PDZRN4: variants seen among roughly 807,000 people sequenced by gnomAD.
PDZRN4 encodes the protein PDZ domain containing ring finger 4.
A neutral mutation model predicts 99.0 loss-of-function variants in PDZRN4; 70 were observed. The observed-to-expected ratio is 0.71, with a 90% CI of 0.58 to 0.86. The LOEUF (loss-of-function observed/expected upper bound fraction) is 0.86, where lower values mean the gene tolerates loss of function less well. Among genes scored for constraint, PDZRN4 ranks in the 40% least tolerant of loss-of-function variants. PDZRN4 has a pLI of 0.00. For synonymous variants in PDZRN4, 551 were observed against 501.6 expected (o/e 1.10, Z -1.32); for missense variants, 1,474 against 1,331.2 (o/e 1.11, Z -1.67).
At chr12:41,502,666 T>C (rs1482429045) in intron 3 of PDZRN4, among the ~76,000 whole-genome samples, 3 of 152,106 alleles carry the variant, frequency 2.0e-5, no homozygotes, top group African/African-American at 7.2e-5. Flanking sequence ...GGGACTCCTT[T>C]AATGGATAGT....
chr12:41,573,280 A>G lies in PDZRN4; in HGVS notation c.2501A>G (p.His834Arg), dbSNP rs1939517147. The change falls in exon 10 of 10, where the codon CAC (histidine) becomes CGC (arginine). Residue 834 changes from histidine (H) to arginine (R), a missense_variant. By Grantham distance (29) the His-to-Arg change is conservative (BLOSUM62 0). Transcript: ENST00000402685. ...SEHIPYLSPY[H>R]SSSYRYANIP... ...CACATCCCTTACCTCTCTCCTTACCACAGCTCCTCATATAGATATGCAAAC... is the reference window on the plus strand; with the variant it reads ...CACATCCCTTACCTCTCTCCTTACCGCAGCTCCTCATATAGATATGCAAAC... 5 of 1,613,762 alleles carry G rather than the reference A, an allele frequency of 3.1e-6. No individual in the cohort carries two copies. Among genetic ancestry groups the G allele is most frequent in the Non-Finnish European group, 4.2e-6 (5 of 1,180,016 alleles).
At position 41,188,333 on chromosome 12, in the gene PDZRN4, C is replaced by T. The variant is rs1049917118; in HGVS notation, c.-123C>T. 2.3e-6 allele frequency: 2 copies of T among 876,088 alleles called. No homozygotes were observed. Among genetic ancestry groups the T allele is most frequent in the Non-Finnish European group, 1.7e-6 (1 of 596,368 alleles). The allele number at this position is 876,088 out of a possible 1,614,324, so 54.3% of individuals were successfully genotyped here. A position where few individuals can be genotyped will look rare whatever the true frequency, so the allele number is the denominator to read the frequency against. ...ACAAACAGTGAGATCACACCTCCCA[C>T]CCGCCACCTCCCTCCACTGCCGCCG... On this transcript the variant is annotated 5_prime_UTR_variant, in exon 1 of 10. Coordinates refer to ENST00000402685, the MANE Select transcript of PDZRN4 (RefSeq NM_001164595.2).
At chr12:41,353,297 C>T (rs1475518198) in intron 3 of PDZRN4, among the ~76,000 whole-genome samples, 3 of 152,142 alleles carry the variant, frequency 2.0e-5, no homozygotes, top group East Asian at 1.9e-4. Context: ...CTTTCTCTCT[C>T]TCTTTTTATT....
At chr12:41,450,350 T>G (rs997560021) in intron 3 of PDZRN4, among the ~76,000 whole-genome samples, 2 of 152,188 alleles carry the variant, frequency 1.3e-5, no homozygotes, top group African/African-American at 4.8e-5. Flanking sequence ...CATATAACCT[T>G]AGATAGACAA....
intron 3 of PDZRN4, among the ~76,000 whole-genome samples, chr12:41,305,462 T>G (rs1243163426): frequency 6.6e-6 from 1 of 152,196 alleles, no homozygotes; most frequent in Non-Finnish European, 1.5e-5. Flanking sequence ...CTGATGTGTA[T>G]TTCTCACAAT....
chr12:41,208,874 TA>T (rs1337067150), intron 3 of PDZRN4, among the ~76,000 whole-genome samples: 1 of 151,856 alleles, frequency 6.6e-6, no homozygotes, highest in Non-Finnish European at 1.5e-5. Flanking sequence ...AAAATATTGT[TA>T]GGGGAAAAAA....
intron 3 of PDZRN4, among the ~76,000 whole-genome samples, chr12:41,261,735 CT>C (rs1258313150): frequency 2.6e-5 from 4 of 152,176 alleles, no homozygotes; most frequent in Non-Finnish European, 5.9e-5. Flanking sequence ...GTGATCCCCC[CT>C]CCTCGGCCTC....
chr12:41,416,220 GTAGTT>G (rs1952444345), intron 3 of PDZRN4, among the ~76,000 whole-genome samples: 2 of 152,296 alleles, frequency 1.3e-5, no homozygotes, highest in East Asian at 3.9e-4. Flanking sequence ...TACATCCACT[GTAGTT>G]TAAAGTGTGG....
In PDZRN4 at chr12:41,540,468, T is replaced by G. The variant is rs563567242; in HGVS notation, c.1204-12188T>G. Among the ~76,000 whole-genome samples the G allele has an allele frequency of 3.9e-5, 6 of 152,324 alleles. No individual in the cohort carries two copies. In the East Asian group the frequency reaches 5.8e-4, roughly 15 times the overall value. ...GATCTACCTTCAGGAACATATTCATTCTGTGTAATGTTTTCTATGTAAAAC... is the reference window on the plus strand; with the variant it reads ...GATCTACCTTCAGGAACATATTCATGCTGTGTAATGTTTTCTATGTAAAAC... On this transcript the variant is annotated intron_variant, in intron 5 of 9. Transcript: ENST00000402685.
At chr12:41,522,764 G>A (rs1014605485) in intron 5 of PDZRN4, among the ~76,000 whole-genome samples, 17 of 152,040 alleles carry the variant, frequency 1.1e-4, no homozygotes, top group South Asian at 1.0e-3. Flanking sequence ...AAGTATAGAC[G>A]TTCATAATAT....
chr12:41,416,041 A>G (rs1952442571), intron 3 of PDZRN4, among the ~76,000 whole-genome samples: 1 of 152,204 alleles, frequency 6.6e-6, no homozygotes, highest in Admixed American at 6.5e-5. Context: ...CAACTGTGTG[A>G]TTGATAGAGA....
intron 3 of PDZRN4, among the ~76,000 whole-genome samples, chr12:41,197,314 G>T (rs1222913561): frequency 6.6e-6 from 1 of 151,968 alleles, no homozygotes; most frequent in African/African-American, 2.4e-5. Context: ...TTCAACAAAG[G>T]CTAGTAACAC....
At chr12:41,488,280 G>A (rs1465087559) in intron 3 of PDZRN4, among the ~76,000 whole-genome samples, 1 of 152,110 alleles carries the variant, frequency 6.6e-6, no homozygotes, top group Non-Finnish European at 1.5e-5. Flanking sequence ...AGTTTTCAGT[G>A]CATATTAACA....
chr12:41,198,532 G>T (rs1444458573), intron 3 of PDZRN4, among the ~76,000 whole-genome samples: 1 of 146,452 alleles, frequency 6.8e-6, no homozygotes, highest in Non-Finnish European at 1.5e-5. Flanking sequence ...AATTCATAAT[G>T]CAATGCAGCA....
intron 3 of PDZRN4, among the ~76,000 whole-genome samples, chr12:41,341,917 T>A (rs10880044): frequency 6.6e-6 from 1 of 151,488 alleles, no homozygotes; most frequent in East Asian, 1.9e-4. Flanking sequence ...AAATTAAAAA[T>A]CTGAAGGTAT....
intron 3 of PDZRN4, chr12:41,459,863 T>G (rs1035924928): frequency 5.7e-6 from 6 of 1,050,066 alleles, no homozygotes; most frequent in Non-Finnish European, 7.3e-6. Context: ...CCCATTAAAT[T>G]AACATTAGTT....
chr12:41,504,236 C>A (rs1178583526), intron 3 of PDZRN4, among the ~76,000 whole-genome samples: 1 of 151,966 alleles, frequency 6.6e-6, no homozygotes, highest in African/African-American at 2.4e-5. Flanking sequence ...CCACTGTACT[C>A]CAGCCTGGGC....
intron 5 of PDZRN4, among the ~76,000 whole-genome samples, chr12:41,510,194 T>G (rs7960293): frequency 0.073 from 11,124 of 152,228 alleles, 986 homozygotes; most frequent in East Asian, 0.21. Flanking sequence ...TGTTCTATAA[T>G]ATATGTGGAT....
At chr12:41,502,374 A>G (rs1565600003) in intron 3 of PDZRN4, among the ~76,000 whole-genome samples, 1 of 152,180 alleles carries the variant, frequency 6.6e-6, no homozygotes, top group Non-Finnish European at 1.5e-5. Flanking sequence ...ATCATTCGAT[A>G]TAACAACCGT....
Sources: allele counts gnomAD v4.1 joint callset (sites outside exome capture counted in the v4.1 genomes callset), GRCh38; gene constraint gnomAD v4.1.1; transcripts MANE v1.5; gene names NCBI Gene and HGNC (gene_info 2026-07-23, HGNC 2026-07-21).